The following AMD1 variants were observed in gnomAD, a reference collection of about 807,000 sequenced individuals.
AMD1 encodes S-adenosylmethionine decarboxylase proenzyme.
In AMD1, 11 loss-of-function variants were observed where a neutral mutation model predicts 40.2. The observed-to-expected ratio is 0.27, with a 90% CI of 0.17 to 0.45. AMD1 has a LOEUF of 0.45. Ranked by LOEUF, AMD1 falls within the 20% of genes least tolerant of loss-of-function variation. The probability of loss-of-function intolerance (pLI) is 1.00; values close to 1 mark genes in which losing one functional copy is unlikely to be tolerated. For missense variants in AMD1, 257 were observed against 410.2 expected, an observed-to-expected ratio of 0.63 and a Z score of 3.23; for synonymous variants, 121 against 130.8, an observed-to-expected ratio of 0.93 and a Z score of 0.51.
At chr6:110,855,987 G>A in the AMD1 span, among the ~76,000 whole-genome samples, 1 of 152,276 alleles carries the variant, frequency 6.6e-6, no homozygotes, top group African/African-American at 2.4e-5. Context: ...GGCTGCGGTA[G>A]GAGGATTAAT....
chr6:110,841,065 G>C, the AMD1 span, among the ~76,000 whole-genome samples: 2 of 152,252 alleles, frequency 1.3e-5, no homozygotes, highest in East Asian at 3.9e-4. Flanking sequence ...CCAGGCTGGA[G>C]TGCAATGGCA....
rs376233316 is a variant in AMD1, at chr6:110,892,227, A to G, written c.470+24A>G. 1.3e-5 allele frequency: 21 copies of G among 1,613,496 alleles called. No homozygotes were observed. The African/African-American group carries it at 2.8e-4, about 22-fold the overall frequency. ...TGGTATGTTTAATGCAATTTTGTGGATTTTTGTTGTCCTATGTAAGATTTA... is the reference window on the plus strand; with the variant it reads ...TGGTATGTTTAATGCAATTTTGTGGGTTTTTGTTGTCCTATGTAAGATTTA... On this transcript the variant is annotated intron_variant, in intron 5 of 8. Transcript: ENST00000368885.
chr6:110,819,819 G>A, the AMD1 span, among the ~76,000 whole-genome samples: 1 of 152,202 alleles, frequency 6.6e-6, no homozygotes, highest in African/African-American at 2.4e-5. Context: ...ATAAGATGCA[G>A]TAAAGAAGCT....
intron 1 of AMD1, among the ~76,000 whole-genome samples, chr6:110,884,115 A>G (rs1785558645): frequency 6.6e-6 from 1 of 152,256 alleles, no homozygotes; most frequent in African/African-American, 2.4e-5. Context: ...CAGCCTGGCC[A>G]TTGGGTGGCA....
the AMD1 span, among the ~76,000 whole-genome samples, chr6:110,835,299 T>G: frequency 6.6e-6 from 1 of 151,884 alleles, no homozygotes; most frequent in Non-Finnish European, 1.5e-5. Flanking sequence ...ATTACAGGCA[T>G]GAGCCACCGC....
chr6:110,841,442 G>A, the AMD1 span, among the ~76,000 whole-genome samples: 14 of 152,160 alleles, frequency 9.2e-5, no homozygotes, highest in Admixed American at 3.3e-4. Flanking sequence ...GCTTGCTCAC[G>A]GGCATGTCCC....
chr6:110,872,469 A>C (rs961680154), upstream of AMD1, among the ~76,000 whole-genome samples: 9 of 152,218 alleles, frequency 5.9e-5, no homozygotes, highest in African/African-American at 2.2e-4. Context: ...ATTTTTAAAA[A>C]ACTGGAAATC....
At chr6:110,831,319 A>G in the AMD1 span, among the ~76,000 whole-genome samples, 2 of 151,768 alleles carry the variant, frequency 1.3e-5, no homozygotes, top group Non-Finnish European at 2.9e-5. Flanking sequence ...GGCACCTGTA[A>G]TCCCAGCTAC....
chr6:110,865,182 C>G, the AMD1 span, among the ~76,000 whole-genome samples: 2 of 152,176 alleles, frequency 1.3e-5, no homozygotes. Flanking sequence ...AATAGAGTAT[C>G]TTTTCCTAGT....
chr6:110,821,686 A>C, the AMD1 span, among the ~76,000 whole-genome samples: 1 of 152,230 alleles, frequency 6.6e-6, no homozygotes, highest in Non-Finnish European at 1.5e-5. Context: ...CAGTTTGTTC[A>C]AGTTAAAAGG....
the AMD1 span, among the ~76,000 whole-genome samples, chr6:110,833,408 A>G: frequency 3.9e-5 from 6 of 152,260 alleles, no homozygotes; most frequent in Middle Eastern, 3.4e-3. Flanking sequence ...TACCAGGGGG[A>G]AAAAAAGAAC....
At chr6:110,823,453 A>T in the AMD1 span, among the ~76,000 whole-genome samples, 1 of 152,212 alleles carries the variant, frequency 6.6e-6, no homozygotes, top group Non-Finnish European at 1.5e-5. Context: ...TTTGCTATTG[A>T]TATGATTGTA....
At chr6:110,847,701 GT>G in the AMD1 span, among the ~76,000 whole-genome samples, 16 of 140,524 alleles carry the variant, frequency 1.1e-4, no homozygotes, top group Admixed American at 1.1e-3. Context: ...CTTTGTTTTT[GT>G]TTTTTGTTTT....
At chr6:110,828,550 A>T in the AMD1 span, among the ~76,000 whole-genome samples, 1 of 152,252 alleles carries the variant, frequency 6.6e-6, no homozygotes, top group Admixed American at 6.5e-5. Context: ...TGTGCCCAGC[A>T]TCAACGGATT....
At chr6:110,858,195 C>T in the AMD1 span, 9 of 654,776 alleles carry the variant, frequency 1.4e-5, no homozygotes, top group Admixed American at 2.3e-5. Flanking sequence ...CCTGCCAGGC[C>T]GTCTGTTTCG....
At chr6:110,840,621 T>C in the AMD1 span, among the ~76,000 whole-genome samples, 1 of 152,122 alleles carries the variant, frequency 6.6e-6, no homozygotes, top group African/African-American at 2.4e-5. Context: ...AGTTCAGCTC[T>C]GGGAAGCTCT....
In AMD1 at chr6:110,892,724, T is replaced by C. The variant is rs78615031; in HGVS notation, c.616-11T>C. ...AAACCCTTGTTAAACTCGGTCTTTT[T>C]CCCCCCCCAGGAGAGTGGAATTCGT... On this transcript the variant is annotated splice_polypyrimidine_tract_variant and intron_variant, in intron 6 of 8. Transcript: ENST00000368885. 5,270 of 1,540,852 alleles carry C rather than the reference T, an allele frequency of 3.4e-3. 111 individuals carry two copies. In the African/African-American group the frequency reaches 0.054, roughly 16 times the overall value.
chr6:110,892,747 C>T lies in AMD1; in HGVS notation c.628C>T (p.Arg210Cys), dbSNP rs757824536. Residue 210 changes from arginine (R) to cysteine (C), a missense_variant, in exon 7 of 9, where the codon CGT (arginine) becomes TGT (cysteine). Physicochemically the swap from Arg to Cys is radical, Grantham distance 180. Coordinates refer to ENST00000368885, the MANE Select transcript of AMD1 (RefSeq NM_001634.6). ...TTTCCCCCCCCAGGAGAGTGGAATT[C>T]GTGACCTGATACCAGGTTCTGTCAT... The part of the protein sequence containing the change: ...AKDVTRESGI[R>C]DLIPGSVIDA... 22 of 1,611,940 alleles carry T rather than the reference C, an allele frequency of 1.4e-5. No homozygotes were observed. Among genetic ancestry groups the T allele is most frequent in the Admixed American group, 1.0e-4 (6 of 59,926 alleles).
At chr6:110,814,961 G>A in the AMD1 span, 1 of 1,594,618 alleles carries the variant, frequency 6.3e-7, no homozygotes, top group African/African-American at 1.4e-5. Flanking sequence ...CAGGTCGCGG[G>A]CAGGGCGAGG....
Sources: allele counts gnomAD v4.1 joint callset (sites outside exome capture counted in the v4.1 genomes callset), GRCh38; gene constraint gnomAD v4.1.1; transcripts MANE v1.5; gene names NCBI Gene and HGNC (gene_info 2026-07-23, HGNC 2026-07-21).